The following MYH9 variants were observed in gnomAD, a reference collection of about 807,000 sequenced individuals.
The protein encoded by MYH9 is myosin-9.
In MYH9, 29 loss-of-function variants were observed where a neutral mutation model predicts 241.9. The observed-to-expected ratio is 0.12, with a 90% CI of 0.09 to 0.16. MYH9 has a LOEUF of 0.16. MYH9 is among the 10% of genes least tolerant of loss of function. The pLI, the probability that MYH9 is intolerant of heterozygous loss-of-function variation, is 1.00. For synonymous variants in MYH9, 1,047 were observed against 1,062.6 expected, an observed-to-expected ratio of 0.99 and a Z score of 0.29; for missense variants, 1,803 against 2,595.5, an observed-to-expected ratio of 0.69 and a Z score of 6.63.
chr22:36,358,459 G>A (rs1039722453), intron 1 of MYH9, among the ~76,000 whole-genome samples: 6 of 151,928 alleles, frequency 3.9e-5, no homozygotes, highest in Admixed American at 6.6e-5. Context: ...ATTATTTCCC[G>A]CCCAGAGCTC....
intron 34 of MYH9, 147 bp from the exon 35 acceptor site, chr22:36,286,993 G>A (rs1027983400): frequency 6.2e-6 from 7 of 1,124,430 alleles, no homozygotes; most frequent in East Asian, 2.5e-5. Context: ...AGGGCAAAAA[G>A]GCAACTAAAG....
intron 12 of MYH9, 32 bp downstream of exon 12, chr22:36,316,485 C>T: frequency 1.2e-6 from 2 of 1,613,934 alleles, no homozygotes; most frequent in East Asian, 2.2e-5. Context: ...GCCAAGGAGG[C>T]AGCAGGGTGG....
rs5756141 is a variant in MYH9, at chr22:36,314,002, T to C, written c.1554+143A>G. 0.6 allele frequency: 657,453 copies of C among 1,093,498 alleles called. 209,164 individuals carry two copies. Among genetic ancestry groups the C allele is most frequent in the Non-Finnish European group, 0.67 (492,566 of 734,772 alleles). 67.7% of individuals were successfully genotyped at this position (1,093,498 alleles called of 1,614,324 possible). A position where few individuals can be genotyped will look rare whatever the true frequency, so the allele number is the denominator to read the frequency against. The stretch of plus-strand genomic sequence containing the variant: ...CCTCCCAGGCACTGGATCTCAGCCT[T>C]GGGGCTTCATCCTCCGGGTGGCACC... On this transcript the variant is annotated intron_variant, in intron 13 of 40. Coordinates refer to ENST00000216181, the MANE Select transcript of MYH9 (RefSeq NM_002473.6).
At chr22:36,308,028 T>C (rs1394218308) in intron 15 of MYH9, among the ~76,000 whole-genome samples, 2 of 152,130 alleles carry the variant, frequency 1.3e-5, no homozygotes, top group African/African-American at 2.4e-5. Flanking sequence ...TGTGGCCTCA[T>C]CATAACTGGC....
chr22:36,312,323 C>T (rs2017077722), intron 13 of MYH9, 101 bp from the exon 14 acceptor site: 10 of 1,260,724 alleles, frequency 7.9e-6, no homozygotes, highest in Admixed American at 7.8e-5. Flanking sequence ...CTGAATCCCA[C>T]AGACGGTGGG....
intron 12 of MYH9, among the ~76,000 whole-genome samples, chr22:36,316,030 C>A (rs186098013): frequency 7.0e-6 from 1 of 142,914 alleles, no homozygotes; most frequent in Non-Finnish European, 1.5e-5. Context: ...AAAGCGAGAC[C>A]CTGACTTTTT....
chr22:36,312,324 AGACGGTGGGC>A, intron 13 of MYH9, 102 bp from the exon 14 acceptor site: 2 of 1,241,056 alleles, frequency 1.6e-6, no homozygotes, highest in Non-Finnish European at 2.3e-6. Context: ...TGAATCCCAC[AGACGGTGGGC>A]GACACACTCC....
intron 15 of MYH9, 109 bp downstream of exon 15, chr22:36,309,172 GT>G: frequency 1.1e-6 from 1 of 927,710 alleles, no homozygotes; most frequent in Non-Finnish European, 1.7e-6. Context: ...CCTGGCCTAT[GT>G]CAGGGGGCAC....
intron 14 of MYH9, among the ~76,000 whole-genome samples, chr22:36,311,713 G>C (rs2187779): frequency 0.52 from 79,776 of 152,072 alleles, 23,670 homozygotes; most frequent in Non-Finnish European, 0.68. Context: ...CAGCTTATGA[G>C]TGGCAGAGCT....
intron 3 of MYH9, among the ~76,000 whole-genome samples, chr22:36,328,039 G>T (rs1255138262): frequency 6.6e-6 from 1 of 152,228 alleles, no homozygotes; most frequent in Non-Finnish European, 1.5e-5. Context: ...GCTTCTCTGA[G>T]CCCCAGCTCC....
chr22:36,318,504 C>A (rs1452313220), intron 10 of MYH9, among the ~76,000 whole-genome samples, 179 bp from the exon 11 acceptor site: 1 of 152,220 alleles, frequency 6.6e-6, no homozygotes, highest in Non-Finnish European at 1.5e-5. Context: ...CCTTCTTTAG[C>A]AGGGCCACAG....
chr22:36,303,788 A>T (rs1161908739), intron 19 of MYH9, among the ~76,000 whole-genome samples: 2 of 148,326 alleles, frequency 1.3e-5, no homozygotes, highest in Admixed American at 6.6e-5. Context: ...CCGTCTCAAA[A>T]AAAAAAAAAA....
chr22:36,385,037 A>G (rs1241333769), intron 1 of MYH9, among the ~76,000 whole-genome samples: 1 of 152,176 alleles, frequency 6.6e-6, no homozygotes, highest in Non-Finnish European at 1.5e-5. Context: ...CTGCCCCAGC[A>G]GGCAGAGATG....
At chr22:36,369,984 G>A (rs1453232464) in intron 1 of MYH9, among the ~76,000 whole-genome samples, 2 of 152,128 alleles carry the variant, frequency 1.3e-5, no homozygotes, top group African/African-American at 2.4e-5. Flanking sequence ...CCTTTGTAAC[G>A]TGATATAAAA....
Position 36,285,040 on chromosome 22 carries a change from G to T in MYH9, c.5483+81C>A. On this transcript the variant is annotated intron_variant, in intron 38 of 40. Coordinates refer to ENST00000216181, the MANE Select transcript of MYH9 (RefSeq NM_002473.6). The surrounding 1 kb of genome is among the most constrained non-coding windows in gnomAD (Gnocchi z 7.0). Reference sequence around the variant, plus strand: ...GCTCAGGAGACAGAGAGCTGGTTGTGGCCCAGATTTGGGCAGGACTGCAGG... The same window carrying T: ...GCTCAGGAGACAGAGAGCTGGTTGTTGCCCAGATTTGGGCAGGACTGCAGG... 1 of 1,307,250 alleles carries T rather than the reference G, an allele frequency of 7.6e-7. No homozygotes were observed. Among genetic ancestry groups the T allele is most frequent in the Non-Finnish European group, 1.1e-6 (1 of 923,704 alleles). The allele number at this position is 1,307,250 out of a possible 1,614,324, so 81.0% of individuals were successfully genotyped here.
At chr22:36,374,385 C>A (rs1603484581) in intron 1 of MYH9, among the ~76,000 whole-genome samples, 1 of 152,176 alleles carries the variant, frequency 6.6e-6, no homozygotes. Flanking sequence ...CCGGGCATGG[C>A]GGCACGCGCC....
chr22:36,304,638 G>A (rs2016940423), intron 18 of MYH9, among the ~76,000 whole-genome samples: 1 of 152,226 alleles, frequency 6.6e-6, no homozygotes, highest in East Asian at 1.9e-4. Flanking sequence ...GAGTGGGGAG[G>A]GAGGGAGGAG....
At chr22:36,302,733 A>G in intron 19 of MYH9, 57 bp from the exon 20 acceptor site, 2 of 1,473,418 alleles carry the variant, frequency 1.4e-6, no homozygotes, top group Admixed American at 1.7e-5. Context: ...CCGACCTAAC[A>G]GTCCTGGTCT....
At chr22:36,371,950 A>G (rs1603484526) in intron 1 of MYH9, among the ~76,000 whole-genome samples, 1 of 152,182 alleles carries the variant, frequency 6.6e-6, no homozygotes, top group African/African-American at 2.4e-5. Context: ...TTCCGCCACT[A>G]GAGAGTAAAC....
Sources: gnomAD v4.1 joint callset for allele counts (sites outside exome capture counted in the v4.1 genomes callset) on GRCh38, gnomAD v4.1.1 for gene constraint, Gnocchi (gnomAD v3.1) non-coding constraint, MANE v1.5 for transcripts, NCBI Gene and HGNC (gene_info 2026-07-23, HGNC 2026-07-21) for gene names.